The following OXSR1 variants were observed in gnomAD, a reference collection of about 807,000 sequenced individuals.
OXSR1 encodes oxidative stress responsive kinase 1, also known as serine/threonine-protein kinase OSR1.
A neutral mutation model predicts 79.8 loss-of-function variants in OXSR1; 24 were observed. The ratio of observed to expected loss-of-function variants is 0.30; its 90% confidence interval spans 0.22 to 0.42. OXSR1 has a LOEUF of 0.42. Among genes scored for constraint, OXSR1 ranks in the 10% least tolerant of loss-of-function variants. The pLI is 1.00. For missense variants in OXSR1, 430 were observed against 618.4 expected (o/e 0.70, Z 3.23); for synonymous variants, 226 against 209.2 (o/e 1.08, Z -0.69).
intron 8 of OXSR1, among the ~76,000 whole-genome samples, chr3:38,227,115 T>A (rs1202063460): frequency 1.3e-5 from 2 of 152,204 alleles, no homozygotes; most frequent in Non-Finnish European, 2.9e-5. Context: ...AAAATTAAAC[T>A]TTGTTTAGAA....
chr3:38,245,919 TC>T (rs1024800488), intron 12 of OXSR1, among the ~76,000 whole-genome samples, 155 bp from the exon 13 acceptor site: 6 of 152,202 alleles, frequency 3.9e-5, no homozygotes, highest in African/African-American at 1.4e-4. Flanking sequence ...ATATTTGACT[TC>T]CGTTTGGAAT....
chr3:38,219,906 C>G (rs1159807293), intron 5 of OXSR1, among the ~76,000 whole-genome samples: 1 of 152,062 alleles, frequency 6.6e-6, no homozygotes, highest in African/African-American at 2.4e-5. Context: ...CTCGTAGGCT[C>G]AAGCAGTCCT....
chr3:38,188,430 A>C (rs75882729), intron 2 of OXSR1, among the ~76,000 whole-genome samples: 2,231 of 152,302 alleles, frequency 0.015, 31 homozygotes, highest in Non-Finnish European at 0.02. Flanking sequence ...TCCTTATGCT[A>C]TCCACCCAAC....
Position 38,247,687 on chromosome 3 carries a change from G to T in OXSR1, c.1277G>T (p.Gly426Val). 4 of 1,612,044 alleles carry T rather than the reference G, an allele frequency of 2.5e-6. No individual in the cohort carries two copies. Among genetic ancestry groups the T allele is most frequent in the Non-Finnish European group, 3.4e-6 (4 of 1,178,402 alleles). ...TTTTAGGCTTTGTCTTCAGGATCAG[G>T]TTCACAAGAAACCAAGATCCCAATC... Reference protein sequence around the residue: ...KTAQALSSGSGSQETKIPISL... With the variant: ...KTAQALSSGSVSQETKIPISL... The change falls in exon 14 of 18, where the codon GGT (glycine) becomes GTT (valine). Residue 426 changes from glycine (G) to valine (V), a missense_variant. Physicochemically the swap from Gly to Val is moderately radical, Grantham distance 109. Around this residue, in one of 3 missense-constraint regions of OXSR1, gnomAD observed 276 missense variants for 354.2 expected, o/e 0.78. Transcript: ENST00000311806.
At position 38,165,538 on chromosome 3, in the gene OXSR1, GC is replaced by G. The variant is rs1459963848; in HGVS notation, c.-336del. 2 of 314,198 alleles carry G rather than the reference GC, an allele frequency of 6.4e-6. No homozygotes were observed. The highest frequency in any genetic ancestry group is 9.1e-4 in the Middle Eastern group (1 of 1,102). The allele number at this position is 314,198 out of a possible 1,614,324, so 19.5% of individuals were successfully genotyped here. ...AGGTGGAGGAAGAGGGGAAAGTTTG[GC>G]CCGTGCGTGGGGCTGGGGTGGAGGG... is the stretch of plus-strand genomic sequence containing the variant. On this transcript the variant is annotated 5_prime_UTR_variant, in exon 1 of 18. Transcript: ENST00000311806.
intron 4 of OXSR1, among the ~76,000 whole-genome samples, chr3:38,200,972 G>A (rs1282022688): frequency 6.6e-6 from 1 of 152,186 alleles, no homozygotes; most frequent in Non-Finnish European, 1.5e-5. Context: ...ATGAAGAATA[G>A]TATCGATTTT....
intron 1 of OXSR1, among the ~76,000 whole-genome samples, chr3:38,167,653 G>A (rs1216028883): frequency 1.3e-5 from 2 of 152,178 alleles, no homozygotes; most frequent in Non-Finnish European, 2.9e-5. Flanking sequence ...AAACAACTCG[G>A]ACTAAATAAA....
intron 12 of OXSR1, among the ~76,000 whole-genome samples, chr3:38,244,666 T>TGTGTGCGC (rs748851263): frequency 3.5e-5 from 5 of 143,956 alleles, no homozygotes; most frequent in Non-Finnish European, 3.0e-5. Flanking sequence ...TGTGTGTGTG[T>TGTGTGCGC]GCGTGCGCAT....
intron 4 of OXSR1, among the ~76,000 whole-genome samples, chr3:38,203,935 C>T (rs1437217510): frequency 3.9e-5 from 6 of 152,166 alleles, no homozygotes. Flanking sequence ...GTCATTTTAC[C>T]CCACCCTGGG....
chr3:38,164,682 GAT>G (rs2125793278), upstream of OXSR1, among the ~76,000 whole-genome samples: 1 of 152,274 alleles, frequency 6.6e-6, no homozygotes, highest in Admixed American at 6.5e-5. Context: ...TCCGTGGGTC[GAT>G]CTCACTTGTT....
intron 8 of OXSR1, among the ~76,000 whole-genome samples, chr3:38,226,765 CT>C (rs1216146001): frequency 6.6e-6 from 1 of 151,578 alleles, no homozygotes; most frequent in African/African-American, 2.4e-5. Flanking sequence ...GGAAGAGAGA[CT>C]AAGAAACTGT....
chr3:38,174,116 G>C (rs1270359403), intron 1 of OXSR1, among the ~76,000 whole-genome samples: 2 of 152,242 alleles, frequency 1.3e-5, no homozygotes, highest in African/African-American at 2.4e-5. Context: ...GAGTAAATCA[G>C]AAGGTGAAGA....
intron 6 of OXSR1, among the ~76,000 whole-genome samples, chr3:38,222,334 T>C (rs1271028251): frequency 6.6e-6 from 1 of 152,182 alleles, no homozygotes; most frequent in Non-Finnish European, 1.5e-5. Context: ...ACAGGCTTTG[T>C]AGTACCAGCA....
chr3:38,211,691 T>A (rs1559514148), intron 4 of OXSR1, among the ~76,000 whole-genome samples: 1 of 152,224 alleles, frequency 6.6e-6, no homozygotes, highest in Non-Finnish European at 1.5e-5. Flanking sequence ...TTCTATTACC[T>A]GTGGATTTGA....
intron 10 of OXSR1, among the ~76,000 whole-genome samples, chr3:38,233,847 G>A (rs1702862957): frequency 6.6e-6 from 1 of 152,150 alleles, no homozygotes. Context: ...AGGAGGTAGA[G>A]GCTGCAGGGA....
At chr3:38,220,538 G>A (rs1400518774) in intron 5 of OXSR1, among the ~76,000 whole-genome samples, 2 of 152,140 alleles carry the variant, frequency 1.3e-5, no homozygotes, top group Non-Finnish European at 2.9e-5. Flanking sequence ...ATTAGTTAAA[G>A]TTCTTTTGGT....
rs765160768 is a variant in OXSR1 at position 38,198,790 on chromosome 3, T to C, written c.361T>C (p.Ser121Pro). Residue 121 changes from serine (S) to proline (P), a missense_variant, in exon 4 of 18, where the codon TCT (serine) becomes CCT (proline). Around this residue, in one of 3 missense-constraint regions of OXSR1, gnomAD observed 145 missense variants for 228.3 expected, o/e 0.64. Transcript: ENST00000311806. ...ACACAAAAGTGGAGTCCTAGATGAA[T>C]CTACCATTGCTACGATACTCCGAGA... The part of the protein sequence containing the change: ...GEHKSGVLDE[S>P]TIATILREVL... The C allele has an allele frequency of 6.2e-7, 1 of 1,613,196 alleles. No homozygotes were observed. Among genetic ancestry groups the C allele is most frequent in the Non-Finnish European group, 8.5e-7 (1 of 1,179,184 alleles).
chr3:38,245,870 T>C (rs1703130989), intron 12 of OXSR1, among the ~76,000 whole-genome samples: 1 of 152,152 alleles, frequency 6.6e-6, no homozygotes, highest in Admixed American at 6.5e-5. Context: ...AAATATAAAT[T>C]ATACCTCACA....
In OXSR1 at chr3:38,251,458, G is replaced by A. The variant is rs369269538; in HGVS notation, c.1431G>A (p.Arg477=). ...TTTCTGCTGGCCTGGTCGACGGAAG[G>A]GATTTAGTAATAGGTAACTCCATTG... is the stretch of plus-strand genomic sequence containing the variant. ...ELISAGLVDG[R]DLVIVAANLQ... is the part of the protein sequence containing the mutation. Residue 477 remains arginine, a synonymous_variant, in exon 16 of 18, where the codon AGG becomes AGA. Coordinates refer to ENST00000311806, the MANE Select transcript of OXSR1 (RefSeq NM_005109.3). 18 of 1,612,824 alleles carry A rather than the reference G, an allele frequency of 1.1e-5. No homozygotes were observed. The highest frequency in any genetic ancestry group is 1.5e-5 in the Non-Finnish European group (18 of 1,178,918).
Sources: allele counts gnomAD v4.1 joint callset (sites outside exome capture counted in the v4.1 genomes callset), GRCh38; gene constraint gnomAD v4.1.1; regional missense constraint gnomAD v4.1.1; transcripts MANE v1.5; gene names NCBI Gene and HGNC (gene_info 2026-07-23, HGNC 2026-07-21).